C12orf56: variants seen among roughly 807,000 people sequenced by gnomAD.
C12orf56 encodes the protein uncharacterized protein C12orf56.
A neutral mutation model predicts 69.9 loss-of-function variants in C12orf56; 71 were observed. The observed-to-expected ratio is 1.02, with a 90% CI of 0.84 to 1.24. C12orf56 has a LOEUF of 1.24. Among genes scored for constraint, C12orf56 ranks in the 50% most tolerant of loss-of-function variants. The probability of loss-of-function intolerance (pLI) is 0.00; values close to 1 mark genes in which losing one functional copy is unlikely to be tolerated. For missense variants in C12orf56, 732 were observed against 738.5 expected (o/e 0.99, Z 0.10); for synonymous variants, 276 against 274.1 (o/e 1.01, Z -0.07).
At chr12:64,321,508 A>AT (rs1257040926) in intron 3 of C12orf56, among the ~76,000 whole-genome samples, 2 of 151,812 alleles carry the variant, frequency 1.3e-5, no homozygotes, top group South Asian at 2.1e-4. Context: ...AAACTTAAAA[A>AT]TTTTTTGTAG....
chr12:64,284,880 A>C (rs1413133402), intron 7 of C12orf56, 127 bp from the exon 8 acceptor site: 1 of 646,436 alleles, frequency 1.5e-6, no homozygotes, highest in African/African-American at 1.9e-5. Flanking sequence ...ACAGGAAATA[A>C]ATTTTGTACA....
At chr12:64,317,726 C>T (rs1468542230) in intron 4 of C12orf56, among the ~76,000 whole-genome samples, 2 of 151,964 alleles carry the variant, frequency 1.3e-5, no homozygotes, top group Non-Finnish European at 1.5e-5. Context: ...CACCACTGCG[C>T]TCCAGCCTGG....
rs117746301 is a variant in C12orf56 at position 64,358,087 on chromosome 12, G to A, written c.253-5031C>T. Among the ~76,000 whole-genome samples the A allele has an allele frequency of 6.5e-3, 989 of 152,164 alleles. 6 individuals are homozygous for A. Among genetic ancestry groups the A allele is most frequent in the Middle Eastern group, 0.017 (5 of 294 alleles). On this transcript the variant is annotated intron_variant, in intron 1 of 12. Transcript: ENST00000543942. Reference sequence around the variant, plus strand: ...GTGTGATAAAAAGAAACTATGAATAGTGCTAGTACCAAAAGATTACATACC... The same window carrying A: ...GTGTGATAAAAAGAAACTATGAATAATGCTAGTACCAAAAGATTACATACC...
In C12orf56 at chr12:64,390,717, T is replaced by A; in HGVS notation, c.-152A>T. On this transcript the variant is annotated 5_prime_UTR_variant, in exon 1 of 13. Coordinates refer to ENST00000543942, the MANE Select transcript of C12orf56 (RefSeq NM_001170633.2). ...GGGACCCGGGCCGCAACTGCAGGAA[T>A]CGACGCTAGGTCGGCTTCCCTGGAG... The A allele has an allele frequency of 1.7e-6, 2 of 1,149,226 alleles. No individual in the cohort carries two copies. Among genetic ancestry groups the A allele is most frequent in the Non-Finnish European group, 2.3e-6 (2 of 872,864 alleles). 71.2% of individuals were successfully genotyped at this position (1,149,226 alleles called of 1,614,324 possible). A position where few individuals can be genotyped will look rare whatever the true frequency, so the allele number is the denominator to read the frequency against.
intron 1 of C12orf56, among the ~76,000 whole-genome samples, chr12:64,386,733 G>A (rs1168542756): frequency 1.3e-5 from 2 of 151,826 alleles, no homozygotes; most frequent in East Asian, 1.9e-4. Context: ...TCTTCACCAC[G>A]TTGGCCAGGC....
At chr12:64,331,640 A>G (rs1256718928) in intron 2 of C12orf56, among the ~76,000 whole-genome samples, 1 of 152,156 alleles carries the variant, frequency 6.6e-6, no homozygotes, top group Non-Finnish European at 1.5e-5. Flanking sequence ...TGCCCCTCCC[A>G]CTACGTGAGG....
chr12:64,382,926 C>G (rs946783960), intron 1 of C12orf56, among the ~76,000 whole-genome samples: 1 of 151,378 alleles, frequency 6.6e-6, no homozygotes, highest in African/African-American at 2.4e-5. Flanking sequence ...ACCTAACCAA[C>G]TCCATCTGGC....
At chr12:64,324,342 C>G (rs1287665176) in intron 3 of C12orf56, among the ~76,000 whole-genome samples, 1 of 152,158 alleles carries the variant, frequency 6.6e-6, no homozygotes, top group Non-Finnish European at 1.5e-5. Context: ...TTATAACTTA[C>G]AAAAGTGCAA....
chr12:64,274,425 T>G (rs1019846154), intron 11 of C12orf56, among the ~76,000 whole-genome samples: 1 of 152,162 alleles, frequency 6.6e-6, no homozygotes, highest in African/African-American at 2.4e-5. Context: ...AATCAGATTT[T>G]TATTTCAAAT....
chr12:64,298,206 C>T (rs1022898462), intron 6 of C12orf56, among the ~76,000 whole-genome samples: 2 of 152,008 alleles, frequency 1.3e-5, no homozygotes, highest in Admixed American at 6.6e-5. Flanking sequence ...CTGTTCATAT[C>T]CTTTGCCCAC....
At chr12:64,275,409 G>A (rs368460864) in intron 9 of C12orf56, 37 bp from the exon 10 acceptor site, 14 of 971,784 alleles carry the variant, frequency 1.4e-5, no homozygotes, top group Non-Finnish European at 1.9e-5. Flanking sequence ...AATGTCATAA[G>A]CCAAGTCAGA....
chr12:64,358,226 G>T (rs1218104884), intron 1 of C12orf56, among the ~76,000 whole-genome samples: 1 of 152,192 alleles, frequency 6.6e-6, no homozygotes, highest in African/African-American at 2.4e-5. Context: ...TTGGGAGGCC[G>T]AGGTGGGCGG....
chr12:64,357,513 A>T (rs2039334733), intron 1 of C12orf56, among the ~76,000 whole-genome samples: 1 of 151,908 alleles, frequency 6.6e-6, no homozygotes, highest in East Asian at 1.9e-4. Flanking sequence ...CCCAGGCTCA[A>T]GTGATCCTCC....
chr12:64,349,787 A>G (rs1476378154), intron 2 of C12orf56, among the ~76,000 whole-genome samples: 1 of 152,210 alleles, frequency 6.6e-6, no homozygotes. Context: ...CTATGAGGAT[A>G]CAAAGGCATA....
chr12:64,331,167 G>T (rs1360942844), intron 2 of C12orf56, 135 bp from the exon 3 acceptor site: 1 of 750,118 alleles, frequency 1.3e-6, no homozygotes, highest in Non-Finnish European at 2.1e-6. Flanking sequence ...ATTGTAAGCT[G>T]GGTAGCACGA....
rs139379986 is a variant in C12orf56 at position 64,347,506 on chromosome 12, G to A, written c.415+5388C>T. ...TCACCATATTGGTCAGGCCAGTCTCGAACTCCTGACTTCATGATCCTTGGC... is the reference window on the plus strand; with the variant it reads ...TCACCATATTGGTCAGGCCAGTCTCAAACTCCTGACTTCATGATCCTTGGC... On this transcript the variant is annotated intron_variant, in intron 2 of 12. Transcript: ENST00000543942. Among the ~76,000 whole-genome samples, 15 of 152,046 alleles carry A rather than the reference G, an allele frequency of 9.9e-5. No homozygotes were observed. In the East Asian group the frequency reaches 1.9e-3, roughly 20 times the overall value.
At chr12:64,304,621 T>C (rs541975534) in intron 5 of C12orf56, among the ~76,000 whole-genome samples, 22 of 152,144 alleles carry the variant, frequency 1.4e-4, no homozygotes, top group Non-Finnish European at 2.8e-4. Flanking sequence ...AGCTGACTTT[T>C]AGCAACTTGG....
chr12:64,327,834 T>G (rs1592456758), intron 3 of C12orf56, among the ~76,000 whole-genome samples: 1 of 152,212 alleles, frequency 6.6e-6, no homozygotes, highest in East Asian at 1.9e-4. Context: ...CCTTGAGAAC[T>G]CTGACAGGAA....
chr12:64,350,093 G>GAA (rs200890156), intron 2 of C12orf56, among the ~76,000 whole-genome samples: 1,878 of 119,414 alleles, frequency 0.016, 55 homozygotes, highest in African/African-American at 0.058. Flanking sequence ...CTCAGTCTCA[G>GAA]AAAAAAAAAA....
Sources: gnomAD v4.1 joint callset for allele counts (sites outside exome capture counted in the v4.1 genomes callset) on GRCh38, gnomAD v4.1.1 for gene constraint, MANE v1.5 for transcripts, NCBI Gene and HGNC (gene_info 2026-07-23, HGNC 2026-07-21) for gene names.